Variants in SLC1A7 observed in about 807,000 individuals in gnomAD.
SLC1A7 encodes the protein excitatory amino acid transporter 5.
In SLC1A7, 40 loss-of-function variants were observed where a neutral mutation model predicts 47.7. The ratio of observed to expected loss-of-function variants is 0.84; its 90% CI spans 0.65 to 1.09. SLC1A7 has a LOEUF of 1.09. Ranked by LOEUF, SLC1A7 falls within the 50% of genes least tolerant of loss-of-function variation. SLC1A7 has a pLI of 0.00. For missense variants in SLC1A7, 746 were observed against 769.5 expected (o/e 0.97, Z 0.36); for synonymous variants, 323 against 325.6 (o/e 0.99, Z 0.09).
rs1460411855 is a variant in SLC1A7 at position 53,103,533 on chromosome 1, G to C, written c.510C>G (p.Pro170=). 27 of 1,608,758 alleles carry C rather than the reference G, an allele frequency of 1.7e-5. No individual in the cohort carries two copies. In the East Asian group the frequency reaches 6.0e-4, roughly 36 times the overall value. The change falls in exon 5 of 11, where the codon CCC becomes CCG. Residue 170 remains proline (P), a synonymous_variant. Coordinates refer to ENST00000371494, the MANE Select transcript of SLC1A7 (RefSeq NM_006671.6). Reference sequence around the variant, plus strand: ...GAGGGGCCTCCTCTGGTGCCACCTTGGGGGACTTGACAACTGGGGTGGTCT... The same window carrying C: ...GAGGGGCCTCCTCTGGTGCCACCTTCGGGGACTTGACAACTGGGGTGGTCT... ...RTKTTPVVKS[P]KVAPEEAPPR... is the part of the protein sequence containing the mutation.
At position 53,114,605 on chromosome 1, in the gene SLC1A7, G is replaced by A. The variant is rs917862333; in HGVS notation, c.431+153C>T. On this transcript the variant is annotated intron_variant, in intron 3 of 10. Transcript: ENST00000371494. ...CCTGGTGGGGCAGACGATGCAGCAT[G>A]AGCCCAGCGGGCAGCCCAGAGCTCA... The A allele has an allele frequency of 5.4e-5, 35 of 647,940 alleles. No homozygotes were observed. The African/African-American group carries it at 5.6e-4, about 10-fold the overall frequency. The allele number at this position is 647,940 out of a possible 1,614,324, so 40.1% of individuals were successfully genotyped here.
chr1:53,119,919 A>C (rs1644801252), intron 2 of SLC1A7, among the ~76,000 whole-genome samples: 1 of 152,090 alleles, frequency 6.6e-6, no homozygotes, highest in Non-Finnish European at 1.5e-5. Flanking sequence ...CCTCTCTCCC[A>C]CACCACGCTT....
chr1:53,091,446 G>GA (rs1572292822), intron 7 of SLC1A7, among the ~76,000 whole-genome samples: 1 of 152,342 alleles, frequency 6.6e-6, no homozygotes, highest in East Asian at 1.9e-4. Flanking sequence ...TGCTGGGCTT[G>GA]AGGCTGCGGT....
rs1217178501 is a variant in SLC1A7, at chr1:53,087,949, G to A, written c.*60C>T. On this transcript the variant is annotated 3_prime_UTR_variant, in exon 11 of 11. Transcript: ENST00000371494. ...GGCTGCTCAGGAGGGTTGGAGAGTC[G>A]AGTTCCTGCCTCAGGACCCTGCCCC... is the stretch of plus-strand genomic sequence containing the variant. 1.8e-5 allele frequency: 19 copies of A among 1,071,220 alleles called. No individual in the cohort carries two copies. Among genetic ancestry groups the A allele is most frequent in the Non-Finnish European group, 2.3e-5 (18 of 766,990 alleles). The allele number at this position is 1,071,220 out of a possible 1,614,324, so 66.4% of individuals were successfully genotyped here. A position where few individuals can be genotyped will look rare whatever the true frequency, so the allele number is the denominator to read the frequency against.
chr1:53,096,153 C>A lies in SLC1A7; in HGVS notation c.698-2593G>T, dbSNP rs1010023768. Among the ~76,000 whole-genome samples, 4 of 150,264 alleles carry A rather than the reference C, an allele frequency of 2.7e-5. No homozygotes were observed. In the South Asian group the frequency reaches 6.4e-4, roughly 24 times the overall value. On this transcript the variant is annotated intron_variant, in intron 5 of 10. Coordinates refer to ENST00000371494, the MANE Select transcript of SLC1A7 (RefSeq NM_006671.6). The stretch of plus-strand genomic sequence containing the variant: ...TCAGTACATTCACCCCGCCTTGGTA[C>A]ACTCACACACACCACCTCGGTACAC...
At chr1:53,125,741 T>C (rs1027136046) in intron 2 of SLC1A7, among the ~76,000 whole-genome samples, 2 of 152,314 alleles carry the variant, frequency 1.3e-5, no homozygotes, top group East Asian at 3.9e-4. Context: ...AGGGGCAGTG[T>C]GCAGACTTCC....
chr1:53,090,152 G>A (rs1644404385), intron 8 of SLC1A7: 2 of 618,202 alleles, frequency 3.2e-6, no homozygotes, highest in Admixed American at 5.3e-5. Flanking sequence ...GAGAATCCCT[G>A]GGAACTGTGC....
intron 5 of SLC1A7, among the ~76,000 whole-genome samples, chr1:53,099,596 T>C (rs151260161): frequency 1.9e-5 from 1 of 51,848 alleles, no homozygotes; most frequent in East Asian, 5.4e-4. Context: ...AGTACACTCA[T>C]ACCCATTGCC....
chr1:53,104,094 G>A (rs1644613628), intron 4 of SLC1A7, among the ~76,000 whole-genome samples: 1 of 152,118 alleles, frequency 6.6e-6, no homozygotes, highest in South Asian at 2.1e-4. Context: ...GAGCATTCAT[G>A]GGTCTCACCC....
intron 5 of SLC1A7, among the ~76,000 whole-genome samples, chr1:53,100,367 A>G (rs1449574913): frequency 2.0e-5 from 3 of 151,060 alleles, no homozygotes; most frequent in African/African-American, 4.9e-5. Context: ...CAGTACACTC[A>G]CACGCCCCAC....
At chr1:53,101,793 T>C (rs149451184) in intron 5 of SLC1A7, among the ~76,000 whole-genome samples, 1 of 147,054 alleles carries the variant, frequency 6.8e-6, no homozygotes, top group Non-Finnish European at 1.5e-5. Flanking sequence ...TCACACACCC[T>C]ACCTTGGTAC....
rs1273466569 is a variant in SLC1A7 at position 53,092,923 on chromosome 1, C to T, written c.798-136G>A. ...GGACAGAGCGAGACTGCCAAGGTGC[C>T]CGGCCCAGGCTCAGCACATGGCGTC... On this transcript the variant is annotated intron_variant, in intron 6 of 10. Transcript: ENST00000371494. 4.9e-5 allele frequency: 31 copies of T among 635,176 alleles called. No individual in the cohort carries two copies. In the East Asian group the frequency reaches 8.5e-4, roughly 17 times the overall value. The allele number at this position is 635,176 out of a possible 1,614,324, so 39.3% of individuals were successfully genotyped here.
intron 1 of SLC1A7, among the ~76,000 whole-genome samples, chr1:53,139,290 T>C (rs1316974631): frequency 6.6e-6 from 1 of 152,244 alleles, no homozygotes; most frequent in Non-Finnish European, 1.5e-5. Context: ...GAGAGAAGTC[T>C]CTTCCTGCCT....
chr1:53,137,221 G>T (rs1645010093), intron 1 of SLC1A7, among the ~76,000 whole-genome samples: 1 of 147,392 alleles, frequency 6.8e-6, no homozygotes, highest in African/African-American at 2.5e-5. Flanking sequence ...CAGGAGGCGG[G>T]GATTGCAGTG....
intron 5 of SLC1A7, among the ~76,000 whole-genome samples, chr1:53,096,982 C>T (rs543675638): frequency 2.4e-4 from 35 of 147,512 alleles, no homozygotes; most frequent in Admixed American, 4.0e-4. Flanking sequence ...TCACACACCC[C>T]GCCTCAGTAC....
chr1:53,131,749 C>T lies in SLC1A7; in HGVS notation c.215+2601G>A, dbSNP rs187608426. ...GGCACTTGGCTAGGTGCTGACAACA[C>T]AGAGTTGAATCTAGGCAGAGTAGCC... On this transcript the variant is annotated intron_variant, in intron 2 of 10. Coordinates refer to ENST00000371494, the MANE Select transcript of SLC1A7 (RefSeq NM_006671.6). Among the ~76,000 whole-genome samples, 15 of 152,362 alleles carry T rather than the reference C, an allele frequency of 9.8e-5. No individual in the cohort carries two copies. The East Asian group carries it at 2.7e-3, about 27-fold the overall frequency.
In SLC1A7 at chr1:53,114,806, C is replaced by G. The variant is rs1644738693; in HGVS notation, c.383G>C (p.Ser128Thr). The part of the protein sequence containing the change: ...SAAQKETTEQ[S>T]GKPIMSSADA... ...GGCTGAGCTCATGATGGGCTTCCCACTCTGCTCCGTGGTCTCCTTCTGGGC... is the reference window on the plus strand; with the variant it reads ...GGCTGAGCTCATGATGGGCTTCCCAGTCTGCTCCGTGGTCTCCTTCTGGGC... The change falls in exon 3 of 11, where the codon AGT becomes ACT. Residue 128 changes from serine (S) to threonine (T), a missense_variant. Transcript: ENST00000371494. 1.9e-6 allele frequency: 3 copies of G among 1,614,058 alleles called. No homozygotes were observed.
intron 2 of SLC1A7, among the ~76,000 whole-genome samples, chr1:53,125,712 G>A (rs1353919075): frequency 2.0e-5 from 3 of 152,218 alleles, no homozygotes; most frequent in Non-Finnish European, 4.4e-5. Context: ...TGTGGCCTGA[G>A]CAGCGTTGTG....
intron 5 of SLC1A7, among the ~76,000 whole-genome samples, chr1:53,099,367 TAC>T (rs1327404061): frequency 1.9e-5 from 2 of 103,252 alleles, no homozygotes; most frequent in African/African-American, 7.2e-5. Flanking sequence ...ACCGCCTCGG[TAC>T]ACACACATAC....
Sources: gnomAD v4.1 joint callset for allele counts (sites outside exome capture counted in the v4.1 genomes callset) on GRCh38, gnomAD v4.1.1 for gene constraint, MANE v1.5 for transcripts, NCBI Gene and HGNC (gene_info 2026-07-23, HGNC 2026-07-21) for gene names.